The following CELF4 variants were observed in gnomAD, a reference collection of about 807,000 sequenced individuals.
CELF4 encodes CUG-BP- and ETR-3-like factor 4.
CELF4 carries 18 observed loss-of-function variants against 59.9 expected under a neutral mutation model. The ratio of observed to expected loss-of-function variants is 0.30; its 90% CI spans 0.21 to 0.45. The LOEUF (loss-of-function observed/expected upper bound fraction) is 0.45, where lower values mean the gene tolerates loss of function less well. Among genes scored for constraint, CELF4 ranks in the 20% least tolerant of loss-of-function variants. The pLI is 1.00. For missense variants in CELF4, 456 were observed against 689.0 expected, an observed-to-expected ratio of 0.66 and a Z score of 3.79; for synonymous variants, 261 against 267.1, an observed-to-expected ratio of 0.98 and a Z score of 0.22.
intron 1 of CELF4, among the ~76,000 whole-genome samples, chr18:37,531,409 G>A (rs1212607903): frequency 1.3e-5 from 2 of 152,104 alleles, no homozygotes; most frequent in African/African-American, 2.4e-5. Flanking sequence ...AATGGAAATT[G>A]CACATGTCCC....
chr18:37,493,016 A>G (rs1184718116), intron 1 of CELF4, among the ~76,000 whole-genome samples: 1 of 151,540 alleles, frequency 6.6e-6, no homozygotes, highest in Non-Finnish European at 1.5e-5. Flanking sequence ...AGTTATTTCC[A>G]CCTGGATCTT....
chr18:37,303,843 C>T (rs1229117974), intron 3 of CELF4, among the ~76,000 whole-genome samples: 2 of 152,350 alleles, frequency 1.3e-5, no homozygotes, highest in East Asian at 3.9e-4. Flanking sequence ...CATGTCCTTT[C>T]CTTCTGTTTC....
intron 2 of CELF4, among the ~76,000 whole-genome samples, chr18:37,477,727 C>T (rs2099854139): frequency 6.6e-6 from 1 of 152,172 alleles, no homozygotes; most frequent in Non-Finnish European, 1.5e-5. Flanking sequence ...CCTCCCAAAC[C>T]AGATTATAAA....
intron 2 of CELF4, among the ~76,000 whole-genome samples, chr18:37,477,409 C>T (rs979499901): frequency 3.3e-5 from 5 of 152,208 alleles, no homozygotes; most frequent in South Asian, 2.1e-4. Flanking sequence ...AGGAAGGCTA[C>T]GTGCATCTGG....
intron 1 of CELF4, among the ~76,000 whole-genome samples, chr18:37,540,296 C>G (rs1236846760): frequency 6.6e-6 from 1 of 152,244 alleles, no homozygotes; most frequent in Non-Finnish European, 1.5e-5. Flanking sequence ...CTCCCAGGTA[C>G]CTGGGTGAAT....
intron 1 of CELF4, among the ~76,000 whole-genome samples, chr18:37,551,019 G>C (rs1327180209): frequency 6.6e-6 from 1 of 151,362 alleles, no homozygotes; most frequent in Non-Finnish European, 1.5e-5. Context: ...ACCGTTGCTT[G>C]AGAGCCCTCA....
intron 2 of CELF4, among the ~76,000 whole-genome samples, chr18:37,393,070 AGAGAGACACAGGGACTGCG>A (rs1386990600): frequency 4.7e-4 from 19 of 40,682 alleles, no homozygotes; most frequent in East Asian, 2.0e-3. Flanking sequence ...GCGGTGTGTT[AGAGAGACACAGGGACTGCG>A]GTGTGTTAGA....
At position 37,565,453 on chromosome 18, in the gene CELF4, G is replaced by T. The variant is rs2099987940; in HGVS notation, c.189C>A (p.Arg63=). Residue 63 remains arginine (R), a synonymous_variant, in exon 1 of 13, where the codon CGC becomes CGA. Transcript: ENST00000420428. ...AIKLFIGQIP[R]NLDEKDLKPL... ...GCTTGAGGTCCTTCTCATCCAGGTT[G>T]CGGGGGATCTGCCCAATGAACAGCT... The T allele has an allele frequency of 6.2e-7, 1 of 1,614,002 alleles. No individual in the cohort carries two copies. The highest frequency in any genetic ancestry group is 1.3e-5 in the African/African-American group (1 of 74,914).
intron 1 of CELF4, among the ~76,000 whole-genome samples, chr18:37,495,432 T>C (rs373357345): frequency 3.9e-5 from 6 of 152,162 alleles, no homozygotes; most frequent in Non-Finnish European, 5.9e-5. Context: ...TGGCCTGTTT[T>C]TTCAGAACTT....
At position 37,253,794 on chromosome 18, in the gene CELF4, G is replaced by A. The variant is rs1158729979; in HGVS notation, c.*17C>T. 2 of 1,591,866 alleles carry A rather than the reference G, an allele frequency of 1.3e-6. No individual in the cohort carries two copies. The highest frequency in any genetic ancestry group is 1.7e-6 in the Non-Finnish European group (2 of 1,169,120). On this transcript the variant is annotated 3_prime_UTR_variant, in exon 12 of 13. Transcript: ENST00000420428. This position sits in a 1 kb window ranked among gnomAD's most constrained non-coding sequence, Gnocchi z 4.5. ...GTGCGAGTCCTGGTCTCCCCCGGGG[G>A]ACGCTCCCGCCGGCGCTCAGTACGG...
rs1444167950 is a variant in CELF4, at chr18:37,412,446, A to T, written c.369+73079T>A. ...AGAATATAGATGGATGGATGGATGC[A>T]TGCATGCATGGGTGGATGGGTGAGC... On this transcript the variant is annotated intron_variant, in intron 2 of 12. Coordinates refer to ENST00000420428, the MANE Select transcript of CELF4 (RefSeq NM_020180.4). Among the ~76,000 whole-genome samples, 3 of 152,144 alleles carry T rather than the reference A, an allele frequency of 2.0e-5. 1 individual carries two copies. Among genetic ancestry groups the T allele is most frequent in the African/African-American group, 7.2e-5 (3 of 41,448 alleles).
chr18:37,383,036 ATG>A (rs1280739519), intron 2 of CELF4, among the ~76,000 whole-genome samples: 3 of 145,878 alleles, frequency 2.1e-5, no homozygotes, highest in Non-Finnish European at 4.6e-5. Context: ...GTATGTATGT[ATG>A]TATGTATGTA....
chr18:37,322,764 T>G (rs1391991820), intron 2 of CELF4, among the ~76,000 whole-genome samples: 1 of 152,224 alleles, frequency 6.6e-6, no homozygotes, highest in Non-Finnish European at 1.5e-5. Flanking sequence ...TCTGACCTGA[T>G]GTCTTCACCA....
intron 10 of CELF4, among the ~76,000 whole-genome samples, chr18:37,261,339 A>G (rs2074298606): frequency 6.6e-6 from 1 of 150,992 alleles, no homozygotes; most frequent in Admixed American, 6.6e-5. Flanking sequence ...CCTGGCTCTG[A>G]GTTCAAGTTC....
intron 1 of CELF4, among the ~76,000 whole-genome samples, chr18:37,534,633 G>C (rs889733962): frequency 6.6e-6 from 1 of 152,104 alleles, no homozygotes; most frequent in Admixed American, 6.5e-5. Context: ...TTCAACCGAC[G>C]AACTTCACTA....
intron 2 of CELF4, among the ~76,000 whole-genome samples, chr18:37,353,964 C>T (rs1407165003): frequency 3.3e-5 from 5 of 151,940 alleles, no homozygotes; most frequent in Admixed American, 6.6e-5. Context: ...ACCGTGTTAG[C>T]CAGGATGGTC....
chr18:37,358,196 G>A (rs1276858087), intron 2 of CELF4, among the ~76,000 whole-genome samples: 1 of 152,162 alleles, frequency 6.6e-6, no homozygotes, highest in Non-Finnish European at 1.5e-5. Flanking sequence ...ACATGTTGTG[G>A]GAGGGACCCG....
chr18:37,260,908 G>A (rs1051200500), intron 10 of CELF4, among the ~76,000 whole-genome samples: 3 of 151,698 alleles, frequency 2.0e-5, no homozygotes, highest in Non-Finnish European at 2.9e-5. Flanking sequence ...ATTCAGAACC[G>A]GGCACAAACA....
At chr18:37,385,451 G>C in intron 2 of CELF4, among the ~76,000 whole-genome samples, 1 of 152,018 alleles carries the variant, frequency 6.6e-6, no homozygotes, top group East Asian at 1.9e-4. Flanking sequence ...GGCATGTCAA[G>C]GGAAGTAGGG....
Sources: allele counts gnomAD v4.1 joint callset (sites outside exome capture counted in the v4.1 genomes callset), GRCh38; gene constraint gnomAD v4.1.1; non-coding constraint Gnocchi (gnomAD v3.1); transcripts MANE v1.5; gene names NCBI Gene and HGNC (gene_info 2026-07-23, HGNC 2026-07-21).